The following BMPR2 variants were observed in gnomAD, a reference collection of about 807,000 sequenced individuals.
The protein encoded by BMPR2 is bone morphogenetic protein receptor type 2.
A neutral mutation model predicts 100.8 loss-of-function variants in BMPR2; 29 were observed. The ratio of observed to expected loss-of-function variants is 0.29; its 90% confidence interval spans 0.21 to 0.39. The LOEUF is 0.39. Ranked by LOEUF, BMPR2 falls within the 10% of genes least tolerant of loss-of-function variation. The pLI, the probability that BMPR2 is intolerant of heterozygous loss-of-function variation, is 1.00. For missense variants in BMPR2, 1,011 were observed against 1,274.5 expected, an observed-to-expected ratio of 0.79 and a Z score of 3.15; for synonymous variants, 382 against 442.3, an observed-to-expected ratio of 0.86 and a Z score of 1.71.
intron 1 of BMPR2, among the ~76,000 whole-genome samples, chr2:202,434,203 G>A (rs1691562125): frequency 6.6e-6 from 1 of 150,440 alleles, no homozygotes; most frequent in African/African-American, 2.5e-5. Context: ...AAACAAATGG[G>A]ATCAAGATCC....
chr2:202,407,544 G>T (rs529179393), intron 1 of BMPR2, among the ~76,000 whole-genome samples: 19 of 152,040 alleles, frequency 1.2e-4, no homozygotes, highest in Admixed American at 5.9e-4. Flanking sequence ...AGGCCGAGAC[G>T]GGTGGATCAC....
At chr2:202,498,384 C>T (rs946978993) in intron 3 of BMPR2, among the ~76,000 whole-genome samples, 5 of 152,250 alleles carry the variant, frequency 3.3e-5, no homozygotes, top group South Asian at 2.1e-4. Context: ...GCAACTATTC[C>T]GATCAGCAGG....
chr2:202,411,409 A>C (rs1365573837), intron 1 of BMPR2, among the ~76,000 whole-genome samples: 2 of 152,248 alleles, frequency 1.3e-5, no homozygotes, highest in Non-Finnish European at 1.5e-5. Context: ...AGAAGGCAGA[A>C]ACAAGGAAAA....
intron 1 of BMPR2, among the ~76,000 whole-genome samples, chr2:202,451,952 C>T (rs973827663): frequency 7.2e-5 from 11 of 151,996 alleles, no homozygotes; most frequent in Non-Finnish European, 1.3e-4. Context: ...TGCGGTTTCT[C>T]CATGTTGGTC....
At chr2:202,458,297 A>C (rs1413160433) in intron 1 of BMPR2, among the ~76,000 whole-genome samples, 3 of 149,246 alleles carry the variant, frequency 2.0e-5, no homozygotes, top group Non-Finnish European at 4.5e-5. Context: ...AAAAAAAAAA[A>C]AAAAAAAAAA....
rs12329382 is a variant in BMPR2, at chr2:202,492,736, A to C, written c.419-20983A>C. 8.3e-3 allele frequency among the ~76,000 whole-genome samples: 1,257 copies of C among 151,174 alleles called. 27 individuals are homozygous for C. The highest frequency in any genetic ancestry group is 0.028 in the African/African-American group (1,162 of 41,096). On this transcript the variant is annotated intron_variant, in intron 3 of 12. Transcript: ENST00000374580. ...AAAAAAAAAAAAACCAAAAAAAAAA[A>C]CAAAAAGGAAATCAGTGTGCGAAGT... is the stretch of plus-strand genomic sequence containing the variant.
intron 3 of BMPR2, among the ~76,000 whole-genome samples, chr2:202,486,692 C>A (rs1424176057): frequency 6.6e-6 from 1 of 151,182 alleles, no homozygotes; most frequent in Non-Finnish European, 1.5e-5. Context: ...AATTTTTATT[C>A]ATCTTCAGAA....
chr2:202,469,194 A>G (rs1559048045), intron 3 of BMPR2, among the ~76,000 whole-genome samples: 1 of 151,526 alleles, frequency 6.6e-6, no homozygotes, highest in Non-Finnish European at 1.5e-5. Flanking sequence ...ACGCCCGGCT[A>G]ATTTTGTATT....
chr2:202,514,383 G>T (rs1040882756), intron 4 of BMPR2, among the ~76,000 whole-genome samples: 1 of 152,226 alleles, frequency 6.6e-6, no homozygotes, highest in Non-Finnish European at 1.5e-5. Flanking sequence ...TGATCCGCCC[G>T]CCTTGGCCTC....
rs959055103 is a variant in BMPR2, at chr2:202,410,931, A to G, written c.76+33381A>G. Among the ~76,000 whole-genome samples, 3 of 152,102 alleles carry G rather than the reference A, an allele frequency of 2.0e-5. 1 individual carries two copies. Among genetic ancestry groups the G allele is most frequent in the South Asian group, 4.1e-4 (2 of 4,822 alleles). On this transcript the variant is annotated intron_variant, in intron 1 of 12. Coordinates refer to ENST00000374580, the MANE Select transcript of BMPR2 (RefSeq NM_001204.7). The stretch of plus-strand genomic sequence containing the variant: ...AATAGTAAACTTTATTTTTAGAGCA[A>G]TTTTATGTTCACAGTAAAATTGAGA...
chr2:202,409,439 G>A (rs550256946), intron 1 of BMPR2, among the ~76,000 whole-genome samples: 1 of 152,212 alleles, frequency 6.6e-6, no homozygotes, highest in East Asian at 1.9e-4. Context: ...AAACAGGCTG[G>A]ACATGGTGGC....
intron 1 of BMPR2, among the ~76,000 whole-genome samples, chr2:202,439,991 A>G (rs2105937977): frequency 6.7e-6 from 1 of 150,024 alleles, no homozygotes; most frequent in Non-Finnish European, 1.5e-5. Flanking sequence ...AATCCATTTA[A>G]CCCTGAGTGG....
intron 3 of BMPR2, among the ~76,000 whole-genome samples, chr2:202,473,783 A>G (rs956433627): frequency 1.5e-5 from 2 of 137,014 alleles, no homozygotes; most frequent in African/African-American, 5.5e-5. Flanking sequence ...AGAGTGAGAC[A>G]CTGTCTCAAA....
intron 1 of BMPR2, among the ~76,000 whole-genome samples, chr2:202,434,879 C>CAA (rs1172617261): frequency 3.1e-4 from 15 of 48,922 alleles, no homozygotes; most frequent in African/African-American, 1.1e-3. Context: ...GACTCTGTCT[C>CAA]AAAAAAAAAA....
chr2:202,379,334 A>AT (rs1445253789), intron 1 of BMPR2, among the ~76,000 whole-genome samples: 1 of 152,230 alleles, frequency 6.6e-6, no homozygotes, highest in Non-Finnish European at 1.5e-5. Context: ...GAGGGAGAGT[A>AT]AAGTACAGAG....
At chr2:202,446,623 C>T (rs1379792475) in intron 1 of BMPR2, among the ~76,000 whole-genome samples, 1 of 149,222 alleles carries the variant, frequency 6.7e-6, no homozygotes, top group Non-Finnish European at 1.5e-5. Context: ...GTCTGTAGAC[C>T]CTTTTTGTGC....
At chr2:202,448,442 G>A (rs1206394360) in intron 1 of BMPR2, among the ~76,000 whole-genome samples, 2 of 144,480 alleles carry the variant, frequency 1.4e-5, no homozygotes, top group African/African-American at 2.6e-5. Flanking sequence ...AGGAGACTCC[G>A]TCTCAAAAAA....
At position 202,565,765 on chromosome 2, in the gene BMPR2, CTTA is replaced by C. The variant is rs1688749684; in HGVS notation, c.*5825_*5827del. 1 of 152,200 alleles carries C rather than the reference CTTA, an allele frequency of 6.6e-6. No homozygotes were observed. The highest frequency in any genetic ancestry group is 2.4e-5 in the African/African-American group (1 of 41,422). The allele number at this position is 152,200 out of a possible 1,614,324, so 9.4% of individuals were successfully genotyped here. A position where few individuals can be genotyped will look rare whatever the true frequency, so the allele number is the denominator to read the frequency against. On this transcript the variant is annotated 3_prime_UTR_variant, in exon 13 of 13. Transcript: ENST00000374580. ...ATTTTTGTAGACCACTTTTGAAATACTTATTATTTTGCAACATAGACTGGACTA... is the reference window on the plus strand; with the variant it reads ...ATTTTTGTAGACCACTTTTGAAATACTTATTTTGCAACATAGACTGGACTA...
chr2:202,527,135 A>G (rs532413898), intron 7 of BMPR2, among the ~76,000 whole-genome samples: 4 of 152,214 alleles, frequency 2.6e-5, no homozygotes, highest in Admixed American at 2.6e-4. Flanking sequence ...AAGAGCTGGG[A>G]TTACAGGCAT....
Sources: allele counts gnomAD v4.1 joint callset (sites outside exome capture counted in the v4.1 genomes callset), GRCh38; gene constraint gnomAD v4.1.1; transcripts MANE v1.5; gene names NCBI Gene and HGNC (gene_info 2026-07-23, HGNC 2026-07-21).